The following AGBL4 variants were observed in gnomAD, a reference collection of about 807,000 sequenced individuals.
AGBL4 encodes cytosolic carboxypeptidase 6.
Under a neutral mutation model 66.4 loss-of-function variants are expected in AGBL4, and 58 were observed. The observed-to-expected ratio is 0.87, with a 90% CI of 0.71 to 1.09. The LOEUF is 1.09. Ranked by LOEUF, AGBL4 falls within the 50% of genes least tolerant of loss-of-function variation. AGBL4 has a pLI of 0.00. For missense variants in AGBL4, 579 were observed against 631.0 expected (o/e 0.92, Z 0.88); for synonymous variants, 234 against 222.9 (o/e 1.05, Z -0.44).
intron 1 of AGBL4, among the ~76,000 whole-genome samples, chr1:49,985,011 C>A (rs1014937586): frequency 6.6e-6 from 1 of 152,162 alleles, no homozygotes; most frequent in Non-Finnish European, 1.5e-5. Flanking sequence ...TGAGAAAAAT[C>A]ACTTATTCTA....
At chr1:48,916,472 G>A (rs1443196037) in intron 5 of AGBL4, among the ~76,000 whole-genome samples, 1 of 151,996 alleles carries the variant, frequency 6.6e-6, no homozygotes, top group Admixed American at 6.6e-5. Context: ...ACAACTTTAG[G>A]TCTGAGATTT....
chr1:49,156,608 C>T (rs77057295), intron 4 of AGBL4, among the ~76,000 whole-genome samples: 3 of 152,120 alleles, frequency 2.0e-5, no homozygotes, highest in Non-Finnish European at 4.4e-5. Flanking sequence ...ATTACATAGG[C>T]CTTTCCATAG....
chr1:49,474,061 A>C (rs544658904), intron 3 of AGBL4, among the ~76,000 whole-genome samples: 11 of 152,186 alleles, frequency 7.2e-5, no homozygotes, highest in African/African-American at 2.6e-4. Flanking sequence ...GTCAGGTAAC[A>C]TGATGATTCC....
chr1:49,442,728 TA>T (rs1355082281), intron 3 of AGBL4, among the ~76,000 whole-genome samples: 1 of 152,238 alleles, frequency 6.6e-6, no homozygotes, highest in Non-Finnish European at 1.5e-5. Flanking sequence ...TGAGTGTTGG[TA>T]TCCTTTTGAT....
chr1:49,538,723 G>A (rs1157061805), intron 3 of AGBL4, among the ~76,000 whole-genome samples: 1 of 152,030 alleles, frequency 6.6e-6, no homozygotes, highest in East Asian at 1.9e-4. Flanking sequence ...ATTTAAAAAT[G>A]GAAAAAATTT....
chr1:49,537,597 T>C (rs1348513166), intron 3 of AGBL4, among the ~76,000 whole-genome samples: 1 of 152,070 alleles, frequency 6.6e-6, no homozygotes, highest in Non-Finnish European at 1.5e-5. Flanking sequence ...AAAACCACAG[T>C]GAGATAACAT....
At chr1:48,623,154 T>G (rs1645443160) in intron 9 of AGBL4, among the ~76,000 whole-genome samples, 1 of 152,258 alleles carries the variant, frequency 6.6e-6, no homozygotes. Flanking sequence ...GCCATTGTGT[T>G]CTAGCATACA....
intron 3 of AGBL4, among the ~76,000 whole-genome samples, chr1:49,309,104 A>C (rs1013522789): frequency 6.6e-6 from 1 of 152,132 alleles, no homozygotes; most frequent in African/African-American, 2.4e-5. Context: ...GGTATAGCAG[A>C]AACAATAAAA....
At chr1:49,778,741 A>C (rs1644262486) in intron 2 of AGBL4, among the ~76,000 whole-genome samples, 1 of 152,220 alleles carries the variant, frequency 6.6e-6, no homozygotes, top group Admixed American at 6.5e-5. Flanking sequence ...TGTTCTCATA[A>C]GTGGGAGCTA....
chr1:49,880,834 C>T (rs545251563), intron 1 of AGBL4, among the ~76,000 whole-genome samples: 3,342 of 151,924 alleles, frequency 0.022, 137 homozygotes, highest in African/African-American at 0.076. Flanking sequence ...TAGGGCCCTC[C>T]GAGCCAGGTG....
At chr1:49,851,066 A>G (rs559179423) in intron 2 of AGBL4, among the ~76,000 whole-genome samples, 20 of 152,288 alleles carry the variant, frequency 1.3e-4, no homozygotes, top group Admixed American at 8.5e-4. Flanking sequence ...AACTAGATAG[A>G]TATTATTCAA....
chr1:49,936,333 T>A (rs889125581), intron 1 of AGBL4, among the ~76,000 whole-genome samples: 1 of 152,096 alleles, frequency 6.6e-6, no homozygotes, highest in Non-Finnish European at 1.5e-5. Flanking sequence ...AATATGGGAC[T>A]ATGTGAAAAG....
At chr1:48,610,217 T>C (rs1002507617) in intron 9 of AGBL4, among the ~76,000 whole-genome samples, 1 of 152,196 alleles carries the variant, frequency 6.6e-6, no homozygotes, top group Non-Finnish European at 1.5e-5. Flanking sequence ...ATTGGCTTTG[T>C]CTCTCCCATT....
rs146229583 is a variant in AGBL4 at position 49,694,768 on chromosome 1, C to T, written c.282+2545G>A. On this transcript the variant is annotated intron_variant, in intron 3 of 13. Coordinates refer to ENST00000371839, the MANE Select transcript of AGBL4 (RefSeq NM_032785.4). The stretch of plus-strand genomic sequence containing the variant: ...TTTTGAACAACAAAAAGAACATCCT[C>T]GTAAACAAACTAGAAGAGCAAAGAA... 2.9e-3 allele frequency among the ~76,000 whole-genome samples: 440 copies of T among 152,234 alleles called. 1 individual carries two copies. The highest frequency in any genetic ancestry group is 0.01 in the African/African-American group (424 of 41,566).
intron 1 of AGBL4, among the ~76,000 whole-genome samples, chr1:49,954,228 G>A (rs1417591551): frequency 6.6e-6 from 1 of 151,970 alleles, no homozygotes; most frequent in Non-Finnish European, 1.5e-5. Context: ...TTTCCCTGGT[G>A]AGAATGGCAA....
chr1:48,690,171 A>G (rs1646606721), intron 6 of AGBL4, among the ~76,000 whole-genome samples: 1 of 152,222 alleles, frequency 6.6e-6, no homozygotes, highest in Admixed American at 6.5e-5. Flanking sequence ...AGTTGAATAA[A>G]TGGAGAAAGT....
chr1:49,029,276 T>A (rs1050472510), intron 5 of AGBL4, among the ~76,000 whole-genome samples: 33 of 152,086 alleles, frequency 2.2e-4, no homozygotes, highest in African/African-American at 7.5e-4. Context: ...TAAAAATATA[T>A]CTACTTGCAG....
chr1:49,631,077 G>A (rs1645561649), intron 3 of AGBL4, among the ~76,000 whole-genome samples: 2 of 152,016 alleles, frequency 1.3e-5, no homozygotes, highest in Non-Finnish European at 1.5e-5. Flanking sequence ...GAGATGGGTG[G>A]ACTAACTCCC....
chr1:49,303,244 C>A (rs1479314441), intron 3 of AGBL4, among the ~76,000 whole-genome samples: 1 of 152,096 alleles, frequency 6.6e-6, no homozygotes, highest in Non-Finnish European at 1.5e-5. Context: ...AAACTGTCTT[C>A]CACAATGGTT....
Sources: allele counts gnomAD v4.1 joint callset (sites outside exome capture counted in the v4.1 genomes callset), GRCh38; gene constraint gnomAD v4.1.1; transcripts MANE v1.5; gene names NCBI Gene and HGNC (gene_info 2026-07-23, HGNC 2026-07-21).